The following RP1L1 variants were observed in gnomAD, a reference collection of about 807,000 sequenced individuals.
RP1L1 encodes the protein RP1 like 1, also known as retinitis pigmentosa 1-like 1 protein.
A neutral mutation model predicts 15.7 loss-of-function variants in RP1L1; 27 were observed. The ratio of observed to expected loss-of-function variants is 1.72; its 90% CI spans 1.27 to 2.38. The LOEUF is 2.38. Among genes scored for constraint, RP1L1 ranks in the 30% most tolerant of loss-of-function variants. The probability of loss-of-function intolerance (pLI) is 0.00; values close to 1 mark genes in which losing one functional copy is unlikely to be tolerated. For missense variants in RP1L1, 4,798 were observed against 3,075.9 expected (o/e 1.56, Z -13.24); for synonymous variants, 1,813 against 1,276.7 (o/e 1.42, Z -8.96).
rs1797861043 is a variant in RP1L1, at chr8:10,611,749, G to A, written c.2349C>T (p.Ser783=). 1 of 1,613,646 alleles carries A rather than the reference G, an allele frequency of 6.2e-7. No individual in the cohort carries two copies. The highest frequency in any genetic ancestry group is 8.5e-7 in the Non-Finnish European group (1 of 1,179,970). Residue 783 remains serine (S), a synonymous_variant, in exon 4 of 4, where the codon TCC becomes TCT. Transcript: ENST00000382483. ...GGCTGGCAGCCCCAGATTTTGAGCA[G>A]GAGTCGGATGTGTGGGGAGGTATGG... is the stretch of plus-strand genomic sequence containing the variant. ...PAPIPPHTSD[S]CSKSGAASLG...
chr8:10,635,445 A>AG, intron 1 of RP1L1, among the ~76,000 whole-genome samples: 1 of 152,340 alleles, frequency 6.6e-6, no homozygotes, highest in South Asian at 2.1e-4. Context: ...GGTGTCCTGA[A>AG]GGAATGTAGC....
intron 1 of RP1L1, among the ~76,000 whole-genome samples, chr8:10,626,560 C>T: frequency 6.6e-6 from 1 of 152,192 alleles, no homozygotes; most frequent in Non-Finnish European, 1.5e-5. Flanking sequence ...TTCAGCACCA[C>T]CTTCCAGTGG....
At chr8:10,645,370 A>C (rs1165266687) in intron 1 of RP1L1, among the ~76,000 whole-genome samples, 1 of 152,170 alleles carries the variant, frequency 6.6e-6, no homozygotes, top group Non-Finnish European at 1.5e-5. Context: ...TAATGCTTCA[A>C]ATTTTGGAAA....
chr8:10,610,271 G>T lies in RP1L1; in HGVS notation c.3827C>A (p.Ala1276Glu). The part of the protein sequence containing the change: ...ACACATNEDE[A>E]ERDSEEQRAS... Reference sequence around the variant, plus strand: ...CCTCTGCTCCTCACTGTCTCTTTCTGCTTCATCCTCATTGGTGGCACAAGC... The same window carrying T: ...CCTCTGCTCCTCACTGTCTCTTTCTTCTTCATCCTCATTGGTGGCACAAGC... The change falls in exon 4 of 4, where the codon GCA (alanine) becomes GAA (glutamate). Residue 1276 changes from alanine (A) to glutamate (E), a missense_variant. Transcript: ENST00000382483. 1 of 1,614,146 alleles carries T rather than the reference G, an allele frequency of 6.2e-7. No homozygotes were observed. The highest frequency in any genetic ancestry group is 8.5e-7 in the Non-Finnish European group (1 of 1,180,040).
intron 1 of RP1L1, among the ~76,000 whole-genome samples, chr8:10,634,853 C>A (rs974451718): frequency 6.6e-6 from 1 of 152,198 alleles, no homozygotes; most frequent in Non-Finnish European, 1.5e-5. Flanking sequence ...CCAACCCCAA[C>A]TGGGACTCCC....
At chr8:10,641,241 A>AGACAT (rs1798401804) in intron 1 of RP1L1, among the ~76,000 whole-genome samples, 1 of 152,248 alleles carries the variant, frequency 6.6e-6, no homozygotes, top group African/African-American at 2.4e-5. Flanking sequence ...AAATGTGAAC[A>AGACAT]GACATGACAT....
chr8:10,617,049 A>T (rs1797979259), intron 2 of RP1L1, among the ~76,000 whole-genome samples: 1 of 152,050 alleles, frequency 6.6e-6, no homozygotes, highest in Non-Finnish European at 1.5e-5. Context: ...GTACAGTCTG[A>T]GTCTGTTGCC....
rs768458700 is a variant in RP1L1, at chr8:10,612,208, G to A, written c.1890C>T (p.Thr630=). 6 of 1,613,268 alleles carry A rather than the reference G, an allele frequency of 3.7e-6. No individual in the cohort carries two copies. Among genetic ancestry groups the A allele is most frequent in the Non-Finnish European group, 4.2e-6 (5 of 1,179,966 alleles). The stretch of plus-strand genomic sequence containing the variant: ...TCTGCCCCTGCTGGGATGAAGTGCA[G>A]GTGGAAGGGGTGGAAGAGGCTCCTT... The part of the protein sequence containing the change: ...DSEGASSTPS[T]CTSSQQGQRR... Residue 630 remains threonine, a synonymous_variant, in exon 4 of 4, where the codon ACC becomes ACT. Transcript: ENST00000382483.
Position 10,609,939 on chromosome 8 carries a change from C to T in RP1L1, c.4159G>A (p.Gly1387Arg), listed in dbSNP as rs1268363757. ...TTGAGACCCTCTTCAAGAGCCTCTC[C>T]TTGCAGTCCTCCTTCTGGCCCTTCT... is the stretch of plus-strand genomic sequence containing the variant. ...VKEGPEGGLQ[G>R]EALEEGLKEE... Residue 1387 changes from glycine (G) to arginine (R), a missense_variant, in exon 4 of 4, where the codon GGA becomes AGA. By Grantham distance (125) the Gly-to-Arg change is moderately radical. Coordinates refer to ENST00000382483, the MANE Select transcript of RP1L1 (RefSeq NM_178857.6). The T allele has an allele frequency of 1.3e-6, 2 of 1,593,740 alleles. No individual in the cohort carries two copies. The highest frequency in any genetic ancestry group is 1.7e-6 in the Non-Finnish European group (2 of 1,165,380).
rs1420384902 is a variant in RP1L1 at position 10,607,382 on chromosome 8, G to C, written c.6716C>G (p.Pro2239Arg). Residue 2239 changes from proline to arginine, a missense_variant, in exon 4 of 4, where the codon CCA becomes CGA. Transcript: ENST00000382483. ...ETPEAEGEAQPESEGETQGEK... is the reference protein window; with the variant it reads ...ETPEAEGEAQRESEGETQGEK... ...ACCTTGAGTTTCTCCTTCTGACTCT[G>C]GCTGGGCCTCCCCTTCAGCCTCCGG... The C allele has an allele frequency of 6.2e-7, 1 of 1,607,932 alleles. No individual in the cohort carries two copies. The highest frequency in any genetic ancestry group is 1.1e-5 in the South Asian group (1 of 90,302).
chr8:10,654,405 G>C (rs1417438590), intron 1 of RP1L1, among the ~76,000 whole-genome samples: 1 of 151,970 alleles, frequency 6.6e-6, no homozygotes, highest in Admixed American at 6.6e-5. Context: ...TATTTGCCCT[G>C]GGTCTTCAGA....
intron 2 of RP1L1, chr8:10,621,686 T>C (rs73539556): frequency 0.013 from 6,316 of 490,472 alleles, 356 homozygotes; most frequent in African/African-American, 0.11. Flanking sequence ...GCAACAGGAC[T>C]GAATCTTGAG....
At chr8:10,616,728 G>A in intron 2 of RP1L1, 141 bp from the exon 3 acceptor site, 1 of 967,724 alleles carries the variant, frequency 1.0e-6, no homozygotes, top group East Asian at 2.6e-5. Context: ...TCCAAGGAGG[G>A]GTCTTATCCA....
In RP1L1 at chr8:10,610,183, T is replaced by C. The variant is rs1440674822; in HGVS notation, c.3915A>G (p.Glu1305=). ...NTVQEEVQLE[E]TKEGTEGEGL... is the part of the protein sequence containing the mutation. ...CTTCTCCTTCTGTTCCTTCTTTAGTTTCCTCTAATTGCACCTCTTCTTGCA... is the reference window on the plus strand; with the variant it reads ...CTTCTCCTTCTGTTCCTTCTTTAGTCTCCTCTAATTGCACCTCTTCTTGCA... Residue 1305 remains glutamate (E), a synonymous_variant, in exon 4 of 4, where the codon GAA becomes GAG. Transcript: ENST00000382483. 1.6e-6 allele frequency: 2 copies of C among 1,267,742 alleles called. No individual in the cohort carries two copies. Among genetic ancestry groups the C allele is most frequent in the African/African-American group, 3.5e-5 (2 of 57,018 alleles). The allele number at this position is 1,267,742 out of a possible 1,614,324, so 78.5% of individuals were successfully genotyped here.
At chr8:10,648,511 T>G (rs780058248) in intron 1 of RP1L1, among the ~76,000 whole-genome samples, 2 of 152,180 alleles carry the variant, frequency 1.3e-5, no homozygotes, top group African/African-American at 2.4e-5. Context: ...ACCCAGTAGT[T>G]GCAGTGTGTG....
chr8:10,639,518 G>A (rs1457848336), intron 1 of RP1L1, among the ~76,000 whole-genome samples: 3 of 152,050 alleles, frequency 2.0e-5, no homozygotes, highest in Non-Finnish European at 2.9e-5. Context: ...GACTACAGGC[G>A]TGCACCACCA....
chr8:10,628,664 T>A (rs889599560), intron 1 of RP1L1, among the ~76,000 whole-genome samples: 2 of 152,140 alleles, frequency 1.3e-5, no homozygotes, highest in African/African-American at 4.8e-5. Flanking sequence ...AATATAGACT[T>A]TCTTGTCCAA....
chr8:10,610,283 T>A lies in RP1L1; in HGVS notation c.3815A>T (p.Asn1272Ile). The A allele has an allele frequency of 6.2e-7, 1 of 1,614,182 alleles. No homozygotes were observed. Among genetic ancestry groups the A allele is most frequent in the Non-Finnish European group, 8.5e-7 (1 of 1,180,042 alleles). The change falls in exon 4 of 4, where the codon AAT (asparagine) becomes ATT (isoleucine). Residue 1272 changes from asparagine to isoleucine, a missense_variant. Asn to Ile is a moderately radical substitution (Grantham distance 149, BLOSUM62 -3). Coordinates refer to ENST00000382483, the MANE Select transcript of RP1L1 (RefSeq NM_178857.6). The stretch of plus-strand genomic sequence containing the variant: ...ACTGTCTCTTTCTGCTTCATCCTCA[T>A]TGGTGGCACAAGCGCAGGCTCGGGC... ...LNARACACAT[N>I]EDEAERDSEE...
At position 10,607,963 on chromosome 8, in the gene RP1L1, T is replaced by A; in HGVS notation, c.6135A>T (p.Glu2045Asp). The A allele has an allele frequency of 6.2e-7, 1 of 1,612,862 alleles. No individual in the cohort carries two copies. Among genetic ancestry groups the A allele is most frequent in the Non-Finnish European group, 8.5e-7 (1 of 1,179,704 alleles). Residue 2045 changes from glutamate to aspartate, a missense_variant, in exon 4 of 4, where the codon GAA becomes GAT. Glu to Asp is a conservative substitution (Grantham distance 45). Transcript: ENST00000382483. ...CGTCTGACTCTGGCTGGGCATCCCC[T>A]TCTGTCTTCTGGGTCTCCCCTTCAA... ...QEVEGETQKT[E>D]GDAQPESDGV...
Sources: gnomAD v4.1 joint callset for allele counts (sites outside exome capture counted in the v4.1 genomes callset) on GRCh38, gnomAD v4.1.1 for gene constraint, MANE v1.5 for transcripts, NCBI Gene and HGNC (gene_info 2026-07-23, HGNC 2026-07-21) for gene names.